Variants in HECW1 observed in about 807,000 individuals in gnomAD.
HECW1 encodes the protein E3 ubiquitin-protein ligase HECW1.
HECW1 carries 61 observed loss-of-function variants against 182.3 expected under a neutral mutation model. That is an observed-to-expected ratio of 0.33 (90% CI 0.27 to 0.41). The LOEUF (loss-of-function observed/expected upper bound fraction) is 0.41, where lower values mean the gene tolerates loss of function less well. Ranked by LOEUF, HECW1 falls within the 10% of genes least tolerant of loss-of-function variation. HECW1 has a pLI of 1.00. For missense variants in HECW1, 1,739 were observed against 2,108.9 expected, an observed-to-expected ratio of 0.82 and a Z score of 3.44; for synonymous variants, 859 against 832.6, an observed-to-expected ratio of 1.03 and a Z score of -0.55.
chr7:43,323,765 T>TG (rs1311531441), intron 5 of HECW1, among the ~76,000 whole-genome samples: 2 of 152,170 alleles, frequency 1.3e-5, no homozygotes, highest in East Asian at 3.9e-4. Context: ...CGGTGACTCA[T>TG]GCCTATAATC....
At chr7:43,325,745 C>T (rs1810676552) in intron 5 of HECW1, among the ~76,000 whole-genome samples, 1 of 152,184 alleles carries the variant, frequency 6.6e-6, no homozygotes, top group African/African-American at 2.4e-5. Flanking sequence ...CAGCACCACT[C>T]ATCCCGGATC....
At chr7:43,455,379 T>A (rs962858501) in intron 12 of HECW1, among the ~76,000 whole-genome samples, 1 of 152,112 alleles carries the variant, frequency 6.6e-6, no homozygotes, top group Admixed American at 6.5e-5. Flanking sequence ...GGAAAGGCAA[T>A]CTATTAAGTT....
intron 16 of HECW1, among the ~76,000 whole-genome samples, chr7:43,475,594 A>G (rs191794435): frequency 1.3e-3 from 193 of 152,308 alleles, no homozygotes; most frequent in African/African-American, 4.3e-3. Flanking sequence ...TCTGTGTCCT[A>G]GGCTGAAATG....
At chr7:43,433,914 AC>A (rs2076628546) in intron 8 of HECW1, among the ~76,000 whole-genome samples, 1 of 151,914 alleles carries the variant, frequency 6.6e-6, no homozygotes, top group Admixed American at 6.6e-5. Flanking sequence ...CAGACATCAG[AC>A]CCCCAAGGAT....
chr7:43,474,362 T>C (rs992397666), intron 16 of HECW1, among the ~76,000 whole-genome samples: 18 of 152,158 alleles, frequency 1.2e-4, no homozygotes, highest in African/African-American at 4.1e-4. Context: ...GGCAGGAGAA[T>C]GGCGTGAACC....
intron 24 of HECW1, among the ~76,000 whole-genome samples, chr7:43,529,058 C>A (rs1414403364): frequency 2.6e-5 from 4 of 152,090 alleles, no homozygotes; most frequent in Non-Finnish European, 5.9e-5. Context: ...GTGGCAGTGA[C>A]CTACATTCCA....
At chr7:43,531,853 C>T (rs1420213309) in intron 24 of HECW1, among the ~76,000 whole-genome samples, 1 of 152,224 alleles carries the variant, frequency 6.6e-6, no homozygotes, top group African/African-American at 2.4e-5. Context: ...TCCCCGAATG[C>T]TGCATCAATT....
At chr7:43,375,528 T>C (rs1045807594) in intron 6 of HECW1, among the ~76,000 whole-genome samples, 1 of 152,154 alleles carries the variant, frequency 6.6e-6, no homozygotes, top group African/African-American at 2.4e-5. Flanking sequence ...TACTTAAATA[T>C]ATATTGTATG....
In HECW1 at chr7:43,361,774, G is replaced by A. The variant is rs190667212; in HGVS notation, c.555+794G>A. On this transcript the variant is annotated intron_variant, in intron 6 of 29. Coordinates refer to ENST00000395891, the MANE Select transcript of HECW1 (RefSeq NM_015052.5). The stretch of plus-strand genomic sequence containing the variant: ...CTGGGGAGGCTGGACAGAAACCAGT[G>A]GAGGACTTTGTCATGCTAGTGGAAA... 2.0e-3 allele frequency among the ~76,000 whole-genome samples: 307 copies of A among 150,288 alleles called. 1 individual carries two copies. Among genetic ancestry groups the A allele is most frequent in the African/African-American group, 7.2e-3 (292 of 40,722 alleles).
chr7:43,253,130 TAA>T (rs759995754), intron 3 of HECW1, among the ~76,000 whole-genome samples: 8 of 129,324 alleles, frequency 6.2e-5, no homozygotes, highest in Non-Finnish European at 6.3e-5. Context: ...ATCCGCACTT[TAA>T]AAAAAAAAAA....
At chr7:43,528,428 T>C (rs1351148878) in intron 24 of HECW1, among the ~76,000 whole-genome samples, 1 of 152,198 alleles carries the variant, frequency 6.6e-6, no homozygotes, top group Non-Finnish European at 1.5e-5. Flanking sequence ...ATCCTTATAA[T>C]CTGGGAAAAT....
At chr7:43,493,057 C>T (rs2078989563) in intron 18 of HECW1, 27 bp from the exon 19 acceptor site, 1 of 1,526,658 alleles carries the variant, frequency 6.6e-7, no homozygotes. Flanking sequence ...GCAGACTCAA[C>T]CACAACTGTG....
chr7:43,317,607 A>G (rs917342338), intron 4 of HECW1, among the ~76,000 whole-genome samples: 1 of 152,138 alleles, frequency 6.6e-6, no homozygotes, highest in African/African-American at 2.4e-5. Flanking sequence ...TTTTCTAACA[A>G]CTGGTAACAA....
At chr7:43,297,082 G>A (rs17172194) in intron 3 of HECW1, among the ~76,000 whole-genome samples, 7,152 of 152,234 alleles carry the variant, frequency 0.047, 204 homozygotes, top group African/African-American at 0.074. Flanking sequence ...CAGGAAGAAG[G>A]CTGTTTTATT....
intron 2 of HECW1, among the ~76,000 whole-genome samples, chr7:43,155,371 A>C (rs1438915269): frequency 6.6e-6 from 1 of 152,176 alleles, no homozygotes; most frequent in Non-Finnish European, 1.5e-5. Context: ...GTTGGAGGGG[A>C]AAAAAGGAGA....
chr7:43,299,087 A>G (rs1806403524), intron 3 of HECW1, among the ~76,000 whole-genome samples: 1 of 152,200 alleles, frequency 6.6e-6, no homozygotes. Context: ...TGAATCTATT[A>G]CCGTATCCTC....
intron 3 of HECW1, among the ~76,000 whole-genome samples, chr7:43,269,515 C>A (rs150186263): frequency 0.013 from 1,909 of 152,260 alleles, 30 homozygotes; most frequent in South Asian, 0.071. Flanking sequence ...GTGAAATTCA[C>A]ACTTGAAGCA....
At chr7:43,232,763 A>G (rs1447839814) in intron 2 of HECW1, among the ~76,000 whole-genome samples, 1 of 152,206 alleles carries the variant, frequency 6.6e-6, no homozygotes, top group Non-Finnish European at 1.5e-5. Context: ...CTCTGGGGAG[A>G]GGAGGCAAAG....
At chr7:43,424,723 A>G (rs563432398) in intron 8 of HECW1, among the ~76,000 whole-genome samples, 1 of 152,310 alleles carries the variant, frequency 6.6e-6, no homozygotes, top group East Asian at 1.9e-4. Context: ...TGATATTGTA[A>G]ATTACTTTAA....
Sources: gnomAD v4.1 joint callset for allele counts (sites outside exome capture counted in the v4.1 genomes callset) on GRCh38, gnomAD v4.1.1 for gene constraint, MANE v1.5 for transcripts, NCBI Gene and HGNC (gene_info 2026-07-23, HGNC 2026-07-21) for gene names.